The following KIF26B variants were observed in gnomAD, a reference collection of about 807,000 sequenced individuals.
The protein encoded by KIF26B is kinesin-like protein KIF26B.
Under a neutral mutation model 151.2 loss-of-function variants are expected in KIF26B, and 63 were observed. The observed-to-expected ratio is 0.42, with a 90% CI of 0.34 to 0.51. KIF26B has a LOEUF of 0.51. Among genes scored for constraint, KIF26B ranks in the 20% least tolerant of loss-of-function variants. The probability of loss-of-function intolerance (pLI) is 0.07; values close to 1 mark genes in which losing one functional copy is unlikely to be tolerated. For missense variants in KIF26B, 2,813 were observed against 2,913.6 expected (o/e 0.97, Z 0.79); for synonymous variants, 1,357 against 1,262.1 (o/e 1.08, Z -1.59).
chr1:245,160,508 T>C (rs1668513768), intron 2 of KIF26B, among the ~76,000 whole-genome samples: 2 of 152,210 alleles, frequency 1.3e-5, no homozygotes, highest in African/African-American at 2.4e-5. Context: ...TTCTGATATC[T>C]GTGACAGAAC....
chr1:245,460,180 T>TG (rs1167081472), intron 4 of KIF26B, among the ~76,000 whole-genome samples: 1 of 152,208 alleles, frequency 6.6e-6, no homozygotes, highest in African/African-American at 2.4e-5. Flanking sequence ...TTGGTCGGGC[T>TG]GTCTCAAACT....
At chr1:245,518,259 C>T (rs560920098) in intron 4 of KIF26B, among the ~76,000 whole-genome samples, 1 of 152,074 alleles carries the variant, frequency 6.6e-6, no homozygotes, top group Non-Finnish European at 1.5e-5. Context: ...TAATAGATCA[C>T]CTTAAATAGG....
intron 11 of KIF26B, 136 bp from the exon 12 acceptor site, chr1:245,685,269 C>T (rs1168990518): frequency 2.9e-6 from 2 of 685,084 alleles, no homozygotes; most frequent in Admixed American, 2.9e-5. Flanking sequence ...CCGAGTGGCC[C>T]ACGTGCGGGA....
intron 2 of KIF26B, among the ~76,000 whole-genome samples, chr1:245,256,620 C>T (rs1670541096): frequency 1.3e-5 from 2 of 152,172 alleles, no homozygotes; most frequent in South Asian, 2.1e-4. Flanking sequence ...GACCTCTCCT[C>T]TCCGCGAAGG....
intron 3 of KIF26B, among the ~76,000 whole-genome samples, chr1:245,391,879 C>T (rs547067483): frequency 6.6e-6 from 1 of 151,960 alleles, no homozygotes; most frequent in Non-Finnish European, 1.5e-5. Context: ...TTTACGGTTG[C>T]TCTTATGCCA....
intron 3 of KIF26B, among the ~76,000 whole-genome samples, chr1:245,392,051 CAA>C (rs61190917): frequency 0.067 from 9,014 of 135,280 alleles, 340 homozygotes; most frequent in African/African-American, 0.12. Context: ...ACATAGAAAA[CAA>C]AGCAAATTGA....
rs548518228 is a variant in KIF26B, at chr1:245,283,228, A to C, written c.466-83606A>C. 108 of 160,518 alleles carry C rather than the reference A, an allele frequency of 6.7e-4. 1 individual carries two copies. The highest frequency in any genetic ancestry group is 1.1e-3 in the Non-Finnish European group (79 of 73,522). The allele number at this position is 160,518 out of a possible 1,614,324, so 9.9% of individuals were successfully genotyped here. On this transcript the variant is annotated intron_variant, in intron 2 of 14. Coordinates refer to ENST00000407071, the MANE Select transcript of KIF26B (RefSeq NM_018012.4). ...GCTCAATCCGCACAAGTCCACCGAC[A>C]GCAAGCCCAATCTGCCCAAGCCCAC...
At chr1:245,263,215 C>T (rs1381084576) in intron 2 of KIF26B, among the ~76,000 whole-genome samples, 2 of 152,194 alleles carry the variant, frequency 1.3e-5, no homozygotes, top group African/African-American at 4.8e-5. Context: ...TTCTGCTTCA[C>T]CCTCTGCTTG....
At chr1:245,237,885 G>T (rs1272972468) in intron 2 of KIF26B, among the ~76,000 whole-genome samples, 1 of 151,826 alleles carries the variant, frequency 6.6e-6, no homozygotes, top group Non-Finnish European at 1.5e-5. Context: ...AATTAATCAG[G>T]CGTGGTGACA....
chr1:245,407,924 G>A lies in KIF26B; in HGVS notation c.1000-11655G>A, dbSNP rs146963288. Among the ~76,000 whole-genome samples the A allele has an allele frequency of 1.2e-4, 18 of 149,750 alleles. No individual in the cohort carries two copies. The East Asian group carries it at 3.3e-3, about 28-fold the overall frequency. Reference sequence around the variant, plus strand: ...ATTGCATGGACAGTGTCCACTGTCAGTGGAGTCCTGTGGAGGGGGTGGCGC... The same window carrying A: ...ATTGCATGGACAGTGTCCACTGTCAATGGAGTCCTGTGGAGGGGGTGGCGC... On this transcript the variant is annotated intron_variant, in intron 3 of 14. Coordinates refer to ENST00000407071, the MANE Select transcript of KIF26B (RefSeq NM_018012.4).
At chr1:245,221,925 G>A (rs1320359407) in intron 2 of KIF26B, among the ~76,000 whole-genome samples, 1 of 152,184 alleles carries the variant, frequency 6.6e-6, no homozygotes, top group Non-Finnish European at 1.5e-5. Context: ...AATGTGAATT[G>A]GAATTTATAT....
chr1:245,193,583 C>T (rs949596517), intron 2 of KIF26B, among the ~76,000 whole-genome samples: 1 of 152,128 alleles, frequency 6.6e-6, no homozygotes, highest in African/African-American at 2.4e-5. Flanking sequence ...GCGTTAAGAG[C>T]TTTCAAAGAA....
At chr1:245,256,069 C>T (rs1670528406) in intron 2 of KIF26B, among the ~76,000 whole-genome samples, 1 of 152,132 alleles carries the variant, frequency 6.6e-6, no homozygotes, top group Admixed American at 6.6e-5. Context: ...GCTTACCCTC[C>T]CTCCTTCCTA....
At chr1:245,273,781 C>G (rs902855592) in intron 2 of KIF26B, among the ~76,000 whole-genome samples, 3 of 152,122 alleles carry the variant, frequency 2.0e-5, no homozygotes, top group Non-Finnish European at 2.9e-5. Context: ...CCCTTGTAGA[C>G]AGCATATAGC....
chr1:245,468,513 C>G (rs1258469984), intron 4 of KIF26B, among the ~76,000 whole-genome samples: 1 of 152,176 alleles, frequency 6.6e-6, no homozygotes, highest in African/African-American at 2.4e-5. Flanking sequence ...AAGAATGGAA[C>G]CATTGCACAA....
At chr1:245,499,895 G>A (rs1279486640) in intron 4 of KIF26B, among the ~76,000 whole-genome samples, 5 of 152,168 alleles carry the variant, frequency 3.3e-5, no homozygotes, top group East Asian at 1.9e-4. Flanking sequence ...TGTATCAAAC[G>A]GTCACTTTCC....
chr1:245,254,600 A>C (rs1670501432), intron 2 of KIF26B, among the ~76,000 whole-genome samples: 1 of 152,214 alleles, frequency 6.6e-6, no homozygotes, highest in African/African-American at 2.4e-5. Context: ...AAGTGCATAT[A>C]AGAATGGCAG....
intron 2 of KIF26B, among the ~76,000 whole-genome samples, chr1:245,276,403 A>G (rs898321688): frequency 6.6e-5 from 10 of 152,006 alleles, no homozygotes; most frequent in African/African-American, 2.4e-4. Context: ...CCCCAGGGAG[A>G]AGTAAGGAGT....
chr1:245,673,799 G>A (rs1034490829), intron 10 of KIF26B: 1 of 152,268 alleles, frequency 6.6e-6, no homozygotes. Context: ...GGCAAGCCGG[G>A]AGGAAAGATC....
Sources: gnomAD v4.1 joint callset for allele counts (sites outside exome capture counted in the v4.1 genomes callset) on GRCh38, gnomAD v4.1.1 for gene constraint, MANE v1.5 for transcripts, NCBI Gene and HGNC (gene_info 2026-07-23, HGNC 2026-07-21) for gene names.